The following OXR1 variants were observed in gnomAD, a reference collection of about 807,000 sequenced individuals.
OXR1 encodes the protein oxidation resistance protein 1.
OXR1 carries 41 observed loss-of-function variants against 104.6 expected under a neutral mutation model. The ratio of observed to expected loss-of-function variants is 0.39; its 90% confidence interval spans 0.31 to 0.51. OXR1 has a LOEUF of 0.51. OXR1 is among the 20% of genes least tolerant of loss of function. The probability of loss-of-function intolerance (pLI) is 0.77; values close to 1 mark genes in which losing one functional copy is unlikely to be tolerated. For synonymous variants in OXR1, 348 were observed against 348.4 expected (o/e 1.00, Z 0.01); for missense variants, 955 against 1,031.9 (o/e 0.93, Z 1.02).
Position 106,751,387 on chromosome 8 carries a change from A to G in OXR1, c.*446A>G, listed in dbSNP as rs1835878352. ...TATCTGTGAAGTTGGCACAGGTAAC[A>G]TTTGGACATGTTCATCTTATTCTTA... On this transcript the variant is annotated 3_prime_UTR_variant, in exon 17 of 17. Transcript: ENST00000517566. The G allele has an allele frequency of 1.3e-5, 2 of 152,872 alleles. No individual in the cohort carries two copies. Among genetic ancestry groups the G allele is most frequent in the African/African-American group, 4.8e-5 (2 of 41,446 alleles). The allele number at this position is 152,872 out of a possible 1,614,324, so 9.5% of individuals were successfully genotyped here. A position where few individuals can be genotyped will look rare whatever the true frequency, so the allele number is the denominator to read the frequency against.
intron 3 of OXR1, among the ~76,000 whole-genome samples, chr8:106,633,006 C>T (rs1166102913): frequency 6.6e-6 from 1 of 151,704 alleles, no homozygotes; most frequent in African/African-American, 2.4e-5. Context: ...GAGGCTGAGG[C>T]GGGTGTATCA....
At chr8:106,607,030 A>G (rs1406714092) in intron 3 of OXR1, among the ~76,000 whole-genome samples, 1 of 152,162 alleles carries the variant, frequency 6.6e-6, no homozygotes, top group African/African-American at 2.4e-5. Context: ...ACCTTTCACA[A>G]ACAGTAGTTT....
chr8:106,354,139 A>C (rs1025640365), intron 1 of OXR1, among the ~76,000 whole-genome samples: 13 of 151,788 alleles, frequency 8.6e-5, no homozygotes, highest in Admixed American at 7.9e-4. Flanking sequence ...TTCAGAGCTC[A>C]GGTATGAGCA....
intron 3 of OXR1, among the ~76,000 whole-genome samples, chr8:106,586,577 G>C (rs1476918282): frequency 6.6e-6 from 1 of 152,158 alleles, no homozygotes; most frequent in Non-Finnish European, 1.5e-5. Flanking sequence ...TAGAAATATT[G>C]ATTTAGGAGT....
At chr8:106,587,459 AC>A (rs1818717677) in intron 3 of OXR1, among the ~76,000 whole-genome samples, 1 of 152,222 alleles carries the variant, frequency 6.6e-6, no homozygotes, top group Admixed American at 6.5e-5. Context: ...TGAAGCTCAC[AC>A]TCATAAATAT....
At chr8:106,569,298 G>A (rs1817299732) in intron 3 of OXR1, among the ~76,000 whole-genome samples, 1 of 152,026 alleles carries the variant, frequency 6.6e-6, no homozygotes. Flanking sequence ...CTTAAAAGGA[G>A]AGTTGCCAAG....
intron 15 of OXR1, among the ~76,000 whole-genome samples, chr8:106,744,136 C>T (rs866451041): frequency 1.3e-5 from 2 of 152,150 alleles, no homozygotes; most frequent in Non-Finnish European, 2.9e-5. Flanking sequence ...ATCTGTGCAG[C>T]AAACCACTGT....
At chr8:106,416,045 G>A (rs1818665728) in intron 2 of OXR1, among the ~76,000 whole-genome samples, 1 of 152,088 alleles carries the variant, frequency 6.6e-6, no homozygotes, top group Non-Finnish European at 1.5e-5. Context: ...TACAGCCAAA[G>A]GATCAGAAAA....
In OXR1 at chr8:106,625,885, T is replaced by G. The variant is rs1021756664; in HGVS notation, c.221-53325T>G. On this transcript the variant is annotated intron_variant, in intron 3 of 16. Transcript: ENST00000517566. Reference sequence around the variant, plus strand: ...TATTGTAAACGTATATTAGATTATATATGTCTTTTTAGGAATTTCAGTTAT... The same window carrying G: ...TATTGTAAACGTATATTAGATTATAGATGTCTTTTTAGGAATTTCAGTTAT... 2.0e-5 allele frequency among the ~76,000 whole-genome samples: 3 copies of G among 152,136 alleles called. No individual in the cohort carries two copies. In the South Asian group the frequency reaches 6.2e-4, roughly 31 times the overall value.
chr8:106,331,266 A>G (rs1814702776), intron 1 of OXR1, among the ~76,000 whole-genome samples: 1 of 152,220 alleles, frequency 6.6e-6, no homozygotes. Context: ...AATATAACAA[A>G]ACATTTTTAA....
chr8:106,344,599 AGTG>A (rs2130283033), intron 1 of OXR1, among the ~76,000 whole-genome samples: 1 of 152,270 alleles, frequency 6.6e-6, no homozygotes, highest in East Asian at 1.9e-4. Flanking sequence ...GGCCTCCCAA[AGTG>A]GTGGGATTAC....
intron 2 of OXR1, among the ~76,000 whole-genome samples, chr8:106,387,415 T>G (rs1490020049): frequency 6.6e-6 from 1 of 152,216 alleles, no homozygotes; most frequent in East Asian, 1.9e-4. Context: ...CAATTATGTT[T>G]TCCAGGTTGC....
chr8:106,629,586 A>G (rs1407363090), intron 3 of OXR1, among the ~76,000 whole-genome samples: 1 of 152,222 alleles, frequency 6.6e-6, no homozygotes, highest in East Asian at 1.9e-4. Context: ...CATAATTTAA[A>G]AACTCATTAA....
chr8:106,341,776 T>C (rs1287198858), intron 1 of OXR1, among the ~76,000 whole-genome samples: 1 of 152,150 alleles, frequency 6.6e-6, no homozygotes, highest in Non-Finnish European at 1.5e-5. Flanking sequence ...TGTTTCTCTA[T>C]CTGCATCCAA....
At chr8:106,709,586 G>A (rs1481775675) in intron 9 of OXR1, among the ~76,000 whole-genome samples, 1 of 148,514 alleles carries the variant, frequency 6.7e-6, no homozygotes, top group Non-Finnish European at 1.5e-5. Context: ...GACCAATTTT[G>A]TTGTGGGGGT....
At chr8:106,423,256 C>T (rs1260893106) in intron 2 of OXR1, among the ~76,000 whole-genome samples, 2 of 152,112 alleles carry the variant, frequency 1.3e-5, no homozygotes, top group Non-Finnish European at 2.9e-5. Context: ...CTCAGTCTTT[C>T]AAAACTATAT....
At chr8:106,460,895 A>T (rs1476467038) in intron 2 of OXR1, among the ~76,000 whole-genome samples, 1 of 152,074 alleles carries the variant, frequency 6.6e-6, no homozygotes, top group Non-Finnish European at 1.5e-5. Flanking sequence ...ATATTTCTAT[A>T]TTAGAAGTTA....
intron 3 of OXR1, among the ~76,000 whole-genome samples, chr8:106,604,081 A>C (rs1344618159): frequency 1.3e-5 from 2 of 152,070 alleles, no homozygotes; most frequent in African/African-American, 4.8e-5. Flanking sequence ...CAAACAAAAA[A>C]CAGAAGAAAC....
intron 2 of OXR1, among the ~76,000 whole-genome samples, chr8:106,492,335 C>A (rs1470275787): frequency 6.6e-6 from 1 of 152,112 alleles, no homozygotes; most frequent in Non-Finnish European, 1.5e-5. Context: ...TCAGAAGGCC[C>A]TCAGATGAAA....
Sources: gnomAD v4.1 joint callset for allele counts (sites outside exome capture counted in the v4.1 genomes callset) on GRCh38, gnomAD v4.1.1 for gene constraint, MANE v1.5 for transcripts, NCBI Gene and HGNC (gene_info 2026-07-23, HGNC 2026-07-21) for gene names.